Variants in JMJD1C observed in about 807,000 individuals in gnomAD.
JMJD1C encodes the protein jumonji domain containing 1C.
In JMJD1C, 31 loss-of-function variants were observed where a neutral mutation model predicts 245.3. The observed-to-expected ratio is 0.13, with a 90% CI of 0.09 to 0.17. The LOEUF (loss-of-function observed/expected upper bound fraction) is 0.17, where lower values mean the gene tolerates loss of function less well. Ranked by LOEUF, JMJD1C falls within the 10% of genes least tolerant of loss-of-function variation. The probability of loss-of-function intolerance (pLI) is 1.00; values close to 1 mark genes in which losing one functional copy is unlikely to be tolerated. For missense variants in JMJD1C, 2,691 were observed against 3,000.2 expected (o/e 0.90, Z 2.41); for synonymous variants, 1,057 against 1,017.4 (o/e 1.04, Z -0.74).
chr10:63,361,736 AAAAAAAAAAAAG>A (rs1945357700), intron 2 of JMJD1C, among the ~76,000 whole-genome samples: 1 of 150,706 alleles, frequency 6.6e-6, no homozygotes, highest in Non-Finnish European at 1.5e-5. Context: ...AAAAAAAAAA[AAAAAAAAAAAAG>A]AAAAAGAATA....
At chr10:63,472,912 G>A (rs1194278444) in intron 1 of JMJD1C, among the ~76,000 whole-genome samples, 1 of 151,946 alleles carries the variant, frequency 6.6e-6, no homozygotes, top group Non-Finnish European at 1.5e-5. Context: ...AGCCTCCCGA[G>A]TAGGTGGGAC....
At chr10:63,419,637 G>A (rs1203106192) in intron 1 of JMJD1C, among the ~76,000 whole-genome samples, 1 of 151,974 alleles carries the variant, frequency 6.6e-6, no homozygotes, top group African/African-American at 2.4e-5. Flanking sequence ...GACCCTGATT[G>A]AGTTAGAATT....
rs1842008933 is a variant in JMJD1C, at chr10:63,168,101, T to C, written c.7567A>G (p.Met2523Val). 1 of 1,606,278 alleles carries C rather than the reference T, an allele frequency of 6.2e-7. No homozygotes were observed. The highest frequency in any genetic ancestry group is 1.3e-5 in the African/African-American group (1 of 74,790). Residue 2523 changes from methionine to valine, a missense_variant, in exon 26 of 26, where the codon ATG becomes GTG. Transcript: ENST00000399262. Reference sequence around the variant, plus strand: ...TCGTGTATCTTCAAGGCTCTCACCATTTCTTTGACTGCATGATACAAAATA... The same window carrying C: ...TCGTGTATCTTCAAGGCTCTCACCACTTCTTTGACTGCATGATACAAAATA... ...KNILYHAVKE[M>V]VRALKIHEDE...
chr10:63,391,632 A>G (rs1197666985), intron 1 of JMJD1C, among the ~76,000 whole-genome samples: 5 of 152,188 alleles, frequency 3.3e-5, no homozygotes, highest in Non-Finnish European at 5.9e-5. Flanking sequence ...TGAAAACTAC[A>G]AAACAGATGA....
At chr10:63,399,296 A>G (rs1026651770) in intron 1 of JMJD1C, among the ~76,000 whole-genome samples, 1 of 152,148 alleles carries the variant, frequency 6.6e-6, no homozygotes, top group East Asian at 1.9e-4. Flanking sequence ...ATATCCCAGG[A>G]TCATCTTGTC....
At chr10:63,258,448 G>C (rs990256553) in intron 3 of JMJD1C, among the ~76,000 whole-genome samples, 1 of 152,184 alleles carries the variant, frequency 6.6e-6, no homozygotes, top group Non-Finnish European at 1.5e-5. Context: ...ACTGTGCTTA[G>C]TGATCTTTTC....
At chr10:63,179,459 T>C (rs184679647) in intron 22 of JMJD1C, among the ~76,000 whole-genome samples, 1 of 150,562 alleles carries the variant, frequency 6.6e-6, no homozygotes, top group Non-Finnish European at 1.5e-5. Context: ...ACATACACAA[T>C]GGAATACTAT....
In JMJD1C at chr10:63,177,703, A is replaced by G. The variant is rs768815064; in HGVS notation, c.7224+14T>C. ...CTTGAGGGGAAGAGATATTATTTGC[A>G]AACTAACTTATACCTTTTGAAGAAA... On this transcript the variant is annotated intron_variant, in intron 23 of 25. Coordinates refer to ENST00000399262, the MANE Select transcript of JMJD1C (RefSeq NM_032776.3). 6.2e-7 allele frequency: 1 copy of G among 1,613,448 alleles called. No individual in the cohort carries two copies. Among genetic ancestry groups the G allele is most frequent in the Admixed American group, 1.7e-5 (1 of 59,966 alleles).
rs574196557 is a variant in JMJD1C at position 63,402,448 on chromosome 10, AT to A, written c.169-21967del. ...GAGCAGAAGCTTAATACCTGATGAT[AT>A]GTAACACTCATCTGAACAGGATGTT... On this transcript the variant is annotated intron_variant, in intron 1 of 25. Coordinates refer to ENST00000399262, the MANE Select transcript of JMJD1C (RefSeq NM_032776.3). Among the ~76,000 whole-genome samples the A allele has an allele frequency of 2.8e-3, 420 of 152,332 alleles. 1 individual carries two copies. The highest frequency in any genetic ancestry group is 4.9e-3 in the Non-Finnish European group (334 of 68,040).
At chr10:63,186,175 G>A in intron 19 of JMJD1C, 40 bp downstream of exon 19, 5 of 1,398,776 alleles carry the variant, frequency 3.6e-6, no homozygotes, top group Non-Finnish European at 5.0e-6. Context: ...CATTTTGAAG[G>A]AGTATGATGG....
intron 2 of JMJD1C, among the ~76,000 whole-genome samples, chr10:63,321,678 C>G (rs910948070): frequency 6.6e-6 from 1 of 152,196 alleles, no homozygotes; most frequent in Non-Finnish European, 1.5e-5. Context: ...TTTAAATCCA[C>G]TCAGAAGGAA....
In JMJD1C at chr10:63,465,569, G is replaced by A. The variant is rs752608906; in HGVS notation, c.94C>T (p.Arg32Cys). The A allele has an allele frequency of 5.0e-6, 8 of 1,608,074 alleles. No individual in the cohort carries two copies. Among genetic ancestry groups the A allele is most frequent in the Middle Eastern group, 1.7e-4 (1 of 6,056 alleles). ...CCCGCTCGCCAGCTTCGCCAGCCGC[G>A]TCCGCTCTCCCAGCGCTCCGAACGT... ...EARSERWESG[R>C]GWRSWRAGVI... Residue 32 changes from arginine (R) to cysteine (C), a missense_variant, in exon 1 of 26, where the codon CGC becomes TGC. Transcript: ENST00000399262.
At chr10:63,306,339 C>G (rs1204274743) in intron 2 of JMJD1C, among the ~76,000 whole-genome samples, 1 of 152,206 alleles carries the variant, frequency 6.6e-6, no homozygotes, top group Non-Finnish European at 1.5e-5. Context: ...ATCTGCCCGT[C>G]TTGGCCTCCC....
intron 2 of JMJD1C, among the ~76,000 whole-genome samples, chr10:63,344,180 T>C (rs1283828092): frequency 6.6e-6 from 1 of 152,240 alleles, no homozygotes; most frequent in African/African-American, 2.4e-5. Flanking sequence ...ACTTCCAGTC[T>C]TGCAAGCTCC....
At chr10:63,504,667 G>A (rs757180362) in intron 1 of JMJD1C, among the ~76,000 whole-genome samples, 2 of 152,132 alleles carry the variant, frequency 1.3e-5, no homozygotes, top group Non-Finnish European at 2.9e-5. Context: ...AGCCACTGGA[G>A]GGAGTTTTAA....
intron 1 of JMJD1C, among the ~76,000 whole-genome samples, chr10:63,400,727 G>T (rs889954809): frequency 2.0e-5 from 3 of 151,134 alleles, no homozygotes; most frequent in Non-Finnish European, 4.4e-5. Flanking sequence ...ACACCCGGCT[G>T]ATTTTTGTAC....
intron 23 of JMJD1C, chr10:63,177,076 A>G (rs1390063158): frequency 2.0e-5 from 3 of 152,774 alleles, no homozygotes; most frequent in Non-Finnish European, 4.4e-5. Context: ...GATCACAGAC[A>G]GAACTTACAT....
chr10:63,301,794 G>A (rs1860115335), intron 2 of JMJD1C: 2 of 422,724 alleles, frequency 4.7e-6, no homozygotes, highest in East Asian at 7.6e-5. Flanking sequence ...TTCTGCATAT[G>A]TATCCCAGAA....
Position 63,465,555 on chromosome 10 carries a change from G to A in JMJD1C, c.108C>T (p.Ser36=), listed in dbSNP as rs762262106. The A allele has an allele frequency of 6.2e-7, 1 of 1,603,174 alleles. No homozygotes were observed. Among genetic ancestry groups the A allele is most frequent in the Admixed American group, 1.7e-5 (1 of 59,452 alleles). ...CGGCTCGGATGACCCCCGCTCGCCA[G>A]CTTCGCCAGCCGCGTCCGCTCTCCC... The part of the protein sequence containing the change: ...ERWESGRGWR[S]WRAGVIRAVS... The change falls in exon 1 of 26, where the codon AGC becomes AGT. Residue 36 remains serine, a synonymous_variant. Coordinates refer to ENST00000399262, the MANE Select transcript of JMJD1C (RefSeq NM_032776.3).
Sources: allele counts gnomAD v4.1 joint callset (sites outside exome capture counted in the v4.1 genomes callset), GRCh38; gene constraint gnomAD v4.1.1; transcripts MANE v1.5; gene names NCBI Gene and HGNC (gene_info 2026-07-23, HGNC 2026-07-21).